RASA3: variants seen among roughly 807,000 people sequenced by gnomAD.
RASA3 encodes the protein RAS p21 protein activator 3, also known as ras GTPase-activating protein 3.
A neutral mutation model predicts 110.0 loss-of-function variants in RASA3; 73 were observed. That is an observed-to-expected ratio of 0.66 (90% CI 0.55 to 0.81). The LOEUF is 0.81. Ranked by LOEUF, RASA3 falls within the 30% of genes least tolerant of loss-of-function variation. The probability of loss-of-function intolerance (pLI) is 0.00; values close to 1 mark genes in which losing one functional copy is unlikely to be tolerated. For missense variants in RASA3, 976 were observed against 1,113.2 expected (o/e 0.88, Z 1.75); for synonymous variants, 500 against 451.4 (o/e 1.11, Z -1.37).
chr13:114,059,091 T>C (rs1431282600), intron 2 of RASA3, among the ~76,000 whole-genome samples: 1 of 152,134 alleles, frequency 6.6e-6, no homozygotes, highest in Non-Finnish European at 1.5e-5. Flanking sequence ...AAGCGGAGGA[T>C]TGCTTGAGCC....
intron 10 of RASA3, among the ~76,000 whole-genome samples, chr13:114,018,496 G>A (rs972594380): frequency 6.6e-6 from 1 of 152,212 alleles, no homozygotes; most frequent in Non-Finnish European, 1.5e-5. Context: ...CCCCTGAGCC[G>A]GTAGAGGGAC....
chr13:114,065,962 G>A lies in RASA3; in HGVS notation c.173+7758C>T, dbSNP rs576739973. On this transcript the variant is annotated intron_variant, in intron 2 of 23. Coordinates refer to ENST00000334062, the MANE Select transcript of RASA3 (RefSeq NM_007368.4). This position sits in a 1 kb window ranked among gnomAD's most constrained non-coding sequence, Gnocchi z 4.1. ...GCTGAGACTCACAGCTGCAGCGGCC[G>A]TGGTGAGCCACCTCACCTCCCCGAG... 1.2e-4 allele frequency among the ~76,000 whole-genome samples: 18 copies of A among 152,296 alleles called. No homozygotes were observed. Among genetic ancestry groups the A allele is most frequent in the Admixed American group, 8.5e-4 (13 of 15,294 alleles).
At chr13:113,995,398 G>A (rs1464050083) in intron 21 of RASA3, among the ~76,000 whole-genome samples, 3 of 152,272 alleles carry the variant, frequency 2.0e-5, no homozygotes, top group Admixed American at 1.3e-4. Flanking sequence ...CCACCTCTGA[G>A]GCTGTGGGAG....
chr13:114,040,879 G>A (rs1474916104), intron 4 of RASA3, 121 bp downstream of exon 4: 17 of 908,334 alleles, frequency 1.9e-5, no homozygotes, highest in African/African-American at 6.6e-5. Flanking sequence ...TCTGCTCATC[G>A]TTATTCCCAG....
rs2054391105 is a variant in RASA3, at chr13:114,040,907, T to C, written c.372+93A>G. 3.3e-6 allele frequency: 4 copies of C among 1,206,072 alleles called. No individual in the cohort carries two copies. The South Asian group carries it at 3.8e-5, about 11-fold the overall frequency. The allele number at this position is 1,206,072 out of a possible 1,614,324, so 74.7% of individuals were successfully genotyped here. On this transcript the variant is annotated intron_variant, in intron 4 of 23. Transcript: ENST00000334062. ...ATTCCCAGTCAAGGCCGAAGCCCGA[T>C]CTACGTCTTTAGCCACAGTCGGAGC...
At chr13:114,108,294 C>A (rs1186644393) in intron 1 of RASA3, among the ~76,000 whole-genome samples, 3 of 76,822 alleles carry the variant, frequency 3.9e-5, no homozygotes, top group Admixed American at 1.2e-4. Flanking sequence ...CCGTCCGTCA[C>A]CCCATGTCTG....
rs147751030 is a variant in RASA3 at position 114,051,024 on chromosome 13, G to T, written c.277+1028C>A. Among the ~76,000 whole-genome samples the T allele has an allele frequency of 6.0e-3, 909 of 152,350 alleles. 2 individuals are homozygous for T. The highest frequency in any genetic ancestry group is 0.018 in the African/African-American group (729 of 41,580). ...CGTGGGGTGGAGCGGCCGTGACACGGTGTGAGGAGCCAGTGTGAGCAGCGA... is the reference window on the plus strand; with the variant it reads ...CGTGGGGTGGAGCGGCCGTGACACGTTGTGAGGAGCCAGTGTGAGCAGCGA... On this transcript the variant is annotated intron_variant, in intron 3 of 23. Coordinates refer to ENST00000334062, the MANE Select transcript of RASA3 (RefSeq NM_007368.4).
At chr13:113,981,586 C>T (rs1594270692) in intron 23 of RASA3, 89 bp downstream of exon 23, 1 of 1,467,294 alleles carries the variant, frequency 6.8e-7, no homozygotes, top group Non-Finnish European at 9.3e-7. Context: ...CGGGCGGCCC[C>T]ACCCGGGAGC....
chr13:114,034,361 A>G (rs1242695050), intron 4 of RASA3, among the ~76,000 whole-genome samples: 3 of 152,222 alleles, frequency 2.0e-5, no homozygotes, highest in Non-Finnish European at 2.9e-5. Context: ...GAGCTTCAGG[A>G]AGAGTCACGA....
At chr13:114,049,640 A>T (rs538803727) in intron 3 of RASA3, among the ~76,000 whole-genome samples, 1 of 152,272 alleles carries the variant, frequency 6.6e-6, no homozygotes, top group Non-Finnish European at 1.5e-5. Flanking sequence ...GAGGCCTGAC[A>T]CACGGTCACA....
At chr13:114,088,796 C>T (rs997566036) in intron 1 of RASA3, among the ~76,000 whole-genome samples, 3 of 152,308 alleles carry the variant, frequency 2.0e-5, no homozygotes, top group South Asian at 4.1e-4. Flanking sequence ...GTGATCCAAC[C>T]GCCTTGGCCT....
At chr13:114,070,381 T>TAC (rs976561446) in intron 2 of RASA3, among the ~76,000 whole-genome samples, 28 of 152,042 alleles carry the variant, frequency 1.8e-4, no homozygotes, top group African/African-American at 6.5e-4. Context: ...CAATGACTAA[T>TAC]ACAGGACTCT....
chr13:114,067,024 C>A (rs1442872706), intron 2 of RASA3, among the ~76,000 whole-genome samples: 2 of 146,000 alleles, frequency 1.4e-5, no homozygotes, highest in Non-Finnish European at 1.5e-5. Flanking sequence ...GAGGACGGGC[C>A]CCCTGACCTG....
chr13:114,096,551 C>T lies in RASA3; in HGVS notation c.56-22714G>A, dbSNP rs912045488. 6.6e-6 allele frequency among the ~76,000 whole-genome samples: 1 copy of T among 152,104 alleles called. No homozygotes were observed. Among genetic ancestry groups the T allele is most frequent in the Non-Finnish European group, 1.5e-5 (1 of 68,016 alleles). ...GTCCTGGGTACAACTCACCCTCCTC[C>T]GTGATTCAAACTGTTCCAGCCTGGA... On this transcript the variant is annotated intron_variant, in intron 1 of 23. Transcript: ENST00000334062. The surrounding 1 kb of genome is among the most constrained non-coding windows in gnomAD (Gnocchi z 5.1).
intron 23 of RASA3, among the ~76,000 whole-genome samples, chr13:113,980,398 C>T (rs901616108): frequency 2.8e-5 from 4 of 143,072 alleles, no homozygotes; most frequent in African/African-American, 1.0e-4. Flanking sequence ...CCCACGTGTG[C>T]ACCACCTCCT....
Position 114,029,887 on chromosome 13 carries a change from C to G in RASA3, c.373G>C (p.Gly125Arg), listed in dbSNP as rs1295986704. 1 of 1,555,892 alleles carries G rather than the reference C, an allele frequency of 6.4e-7. No homozygotes were observed. The highest frequency in any genetic ancestry group is 8.7e-7 in the Non-Finnish European group (1 of 1,152,216). ...QHVDADSEVQGKVHLELRLSE... is the reference protein window; with the variant it reads ...QHVDADSEVQRKVHLELRLSE... ...AGCCGCAGCTCCAGGTGCACTTTGC[C>G]CTGCAAGGCACAAGGATGGGGTGTC... Residue 125 changes from glycine (G) to arginine (R), a missense_variant and splice_region_variant, in exon 5 of 24, where the codon GGC (glycine) becomes CGC (arginine). Gly to Arg is a moderately radical substitution (Grantham distance 125). Around this residue, in one of 4 missense-constraint regions of RASA3, gnomAD observed 732 missense variants for 779.7 expected, o/e 0.94. Coordinates refer to ENST00000334062, the MANE Select transcript of RASA3 (RefSeq NM_007368.4).
chr13:114,012,606 GCACACTCCCCACTCACTCCTCATTCCACA>G (rs2053660784), intron 15 of RASA3, among the ~76,000 whole-genome samples: 1 of 48,434 alleles, frequency 2.1e-5, no homozygotes, highest in African/African-American at 8.2e-5. Flanking sequence ...CTCATTCCAC[GCACACTCCCCACTCACTCCTCATTCCACA>G]CACACTCCCC....
In RASA3 at chr13:114,048,452, AAGGTGGAGGCCT is replaced by A. The variant is rs952958127; in HGVS notation, c.277+3588_277+3599del. Among the ~76,000 whole-genome samples, 1 of 150,246 alleles carries A rather than the reference AAGGTGGAGGCCT, an allele frequency of 6.7e-6. No homozygotes were observed. Among genetic ancestry groups the A allele is most frequent in the African/African-American group, 2.5e-5 (1 of 39,760 alleles). On this transcript the variant is annotated intron_variant, in intron 3 of 23. Transcript: ENST00000334062. The surrounding 1 kb of genome is among the most constrained non-coding windows in gnomAD (Gnocchi z 4.3). ...TGCTACCAGAGCCGGGGCCCAGAGGAAGGTGGAGGCCTAGCGGGAAAAGGAGGGAGGCGCCAG... is the reference window on the plus strand; with the variant it reads ...TGCTACCAGAGCCGGGGCCCAGAGGAAGCGGGAAAAGGAGGGAGGCGCCAG...
intron 1 of RASA3, among the ~76,000 whole-genome samples, chr13:114,090,349 ATTTTG>A (rs796306062): frequency 1.6e-4 from 25 of 152,228 alleles, no homozygotes; most frequent in African/African-American, 4.6e-4. Context: ...TCTGTCTTTA[ATTTTG>A]TTTTGTTTTG....
Sources: gnomAD v4.1 joint callset for allele counts (sites outside exome capture counted in the v4.1 genomes callset) on GRCh38, gnomAD v4.1.1 for gene constraint, gnomAD v4.1.1 regional missense constraint, Gnocchi (gnomAD v3.1) non-coding constraint, MANE v1.5 for transcripts, NCBI Gene and HGNC (gene_info 2026-07-23, HGNC 2026-07-21) for gene names.